Variants in TNIP3 observed in about 807,000 individuals in gnomAD.
TNIP3 encodes TNFAIP3 interacting protein 3, also known as TNFAIP3-interacting protein 3.
Under a neutral mutation model 54.1 loss-of-function variants are expected in TNIP3, and 34 were observed. The ratio of observed to expected loss-of-function variants is 0.63; its 90% CI spans 0.48 to 0.84. The LOEUF (loss-of-function observed/expected upper bound fraction) is 0.84. Among genes scored for constraint, TNIP3 ranks in the 40% least tolerant of loss-of-function variants. TNIP3 has a pLI of 0.00. For synonymous variants in TNIP3, 134 were observed against 136.8 expected (o/e 0.98, Z 0.14); for missense variants, 366 against 387.6 (o/e 0.94, Z 0.47).
chr4:121,158,780 A>G, intron 2 of TNIP3, 28 bp from the exon 3 acceptor site: 1 of 1,584,240 alleles, frequency 6.3e-7, no homozygotes, highest in African/African-American at 1.4e-5. Flanking sequence ...TGGTGAATCA[A>G]CAAAGAATTT....
chr4:121,170,015 T>C (rs954079411), intron 3 of TNIP3, among the ~76,000 whole-genome samples: 1 of 152,184 alleles, frequency 6.6e-6, no homozygotes, highest in Non-Finnish European at 1.5e-5. Context: ...GTTTAAAGAT[T>C]TCTGAGTGCC....
rs140261199 is a variant in TNIP3 at position 121,186,753 on chromosome 4, G to A, written c.69-3957C>T. ...TTCTAACAAACAAGTTTGGAAAGTA[G>A]GAGCCATAAATTTAGTATACCACCA... is the stretch of plus-strand genomic sequence containing the variant. On this transcript the variant is annotated intron_variant, in intron 2 of 12. Coordinates refer to the TNIP3 transcript ENST00000507879. Among the ~76,000 whole-genome samples, 6 of 152,244 alleles carry A rather than the reference G, an allele frequency of 3.9e-5. No homozygotes were observed. In the East Asian group the frequency reaches 1.2e-3, roughly 29 times the overall value.
intron 2 of TNIP3, among the ~76,000 whole-genome samples, chr4:121,192,184 G>A (rs1725340299): frequency 6.6e-6 from 1 of 152,096 alleles, no homozygotes; most frequent in Admixed American, 6.6e-5. Context: ...AAGAGATGCC[G>A]AGCCAAGTCT....
rs925028201 is a variant in TNIP3, at chr4:121,157,024, T to C, written c.363+70A>G. 20 of 1,595,698 alleles carry C rather than the reference T, an allele frequency of 1.3e-5. No individual in the cohort carries two copies. In the Admixed American group the frequency reaches 3.2e-4, roughly 25 times the overall value. ...GATTTTAATAAAACGGTAGGTTTTC[T>C]ACAGGAAATCCCCCCGCCCCTTTGC... On this transcript the variant is annotated intron_variant, in intron 4 of 10. Coordinates refer to ENST00000057513, the MANE Select transcript of TNIP3 (RefSeq NM_024873.6).
chr4:121,132,769 AGTT>A, intron 10 of TNIP3, 107 bp from the exon 11 acceptor site: 2 of 885,466 alleles, frequency 2.3e-6, no homozygotes, highest in Non-Finnish European at 3.5e-6. Flanking sequence ...AAAAAAAAAA[AGTT>A]ATGTTATATT....
intron 3 of TNIP3, among the ~76,000 whole-genome samples, chr4:121,180,781 G>A (rs765565778): frequency 1.4e-4 from 21 of 152,076 alleles, no homozygotes; most frequent in Non-Finnish European, 2.4e-4. Context: ...AACTCAACTC[G>A]GTCCTCACTA....
At chr4:121,156,762 G>GA (rs202024938) in intron 4 of TNIP3, among the ~76,000 whole-genome samples, 7 of 151,224 alleles carry the variant, frequency 4.6e-5, no homozygotes, top group South Asian at 4.2e-4. Context: ...AAAAGCAAAA[G>GA]AAAAAAAAAT....
chr4:121,141,897 A>G lies in TNIP3; in HGVS notation c.804T>C (p.Cys268=). 3 of 1,599,224 alleles carry G rather than the reference A, an allele frequency of 1.9e-6. No individual in the cohort carries two copies. Among genetic ancestry groups the G allele is most frequent in the Non-Finnish European group, 2.6e-6 (3 of 1,173,084 alleles). The part of the protein sequence containing the change: ...KQLKQMYCPP[C]NCGLVFHLQD... ...GCAGGTGGAAAACCAAGCCGCAGTT[A>G]CAGGGTGGGCAATACATCTGAGGAG... The change falls in exon 9 of 11, where the codon TGT becomes TGC. Residue 268 remains cysteine, a synonymous_variant. Transcript: ENST00000057513.
intron 2 of TNIP3, among the ~76,000 whole-genome samples, chr4:121,185,521 C>G (rs765752281): frequency 1.3e-5 from 2 of 152,146 alleles, no homozygotes; most frequent in Non-Finnish European, 2.9e-5. Flanking sequence ...AGAGGAAAGG[C>G]CTTTGTCTGT....
At chr4:121,196,379 G>T (rs544759393) in intron 2 of TNIP3, among the ~76,000 whole-genome samples, 2 of 152,216 alleles carry the variant, frequency 1.3e-5, no homozygotes, top group East Asian at 3.9e-4. Flanking sequence ...GTTTTTTCCT[G>T]TAACAAGTAT....
At chr4:121,207,596 T>G (rs983541232) in intron 2 of TNIP3, among the ~76,000 whole-genome samples, 1 of 152,174 alleles carries the variant, frequency 6.6e-6, no homozygotes, top group African/African-American at 2.4e-5. Flanking sequence ...GCCTGCAGAT[T>G]TGGGGCATGG....
At chr4:121,188,911 T>C (rs1429867426) in intron 2 of TNIP3, among the ~76,000 whole-genome samples, 1 of 152,204 alleles carries the variant, frequency 6.6e-6, no homozygotes, top group Non-Finnish European at 1.5e-5. Context: ...TTTAAGACCA[T>C]TGAATTTCAA....
At chr4:121,134,591 C>G (rs1433605814) in intron 10 of TNIP3, among the ~76,000 whole-genome samples, 2 of 152,186 alleles carry the variant, frequency 1.3e-5, no homozygotes, top group Non-Finnish European at 2.9e-5. Context: ...ATTCGAAACC[C>G]TTCATTTAAA....
At chr4:121,190,436 G>A (rs1003125608) in intron 2 of TNIP3, among the ~76,000 whole-genome samples, 1 of 152,140 alleles carries the variant, frequency 6.6e-6, no homozygotes, top group African/African-American at 2.4e-5. Flanking sequence ...AATTGGAAGA[G>A]GAGAAGCTCC....
At chr4:121,216,477 G>C (rs1284782991) in exon 2 of TNIP3, 2 of 1,534,092 alleles carry the variant, frequency 1.3e-6, no homozygotes, top group African/African-American at 1.4e-5. Context: ...TCTCATTTTT[G>C]TTCATGAGCC....
At chr4:121,173,483 C>T (rs1035013186) in intron 3 of TNIP3, among the ~76,000 whole-genome samples, 1 of 152,040 alleles carries the variant, frequency 6.6e-6, no homozygotes, top group Non-Finnish European at 1.5e-5. Flanking sequence ...GAAATTCAGC[C>T]TTTTAAAACT....
chr4:121,182,580 C>T (rs1011784575), intron 3 of TNIP3: 70 of 1,386,396 alleles, frequency 5.0e-5, no homozygotes, highest in African/African-American at 2.9e-4. Context: ...ACATGACTGA[C>T]GGTAAATGAC....
chr4:121,208,355 A>C (rs377437318), intron 2 of TNIP3, among the ~76,000 whole-genome samples: 18 of 152,274 alleles, frequency 1.2e-4, no homozygotes, highest in Admixed American at 3.3e-4. Flanking sequence ...CAGACCCTGA[A>C]CTCAATGTGT....
At chr4:121,145,198 A>G (rs1034175524) in intron 7 of TNIP3, among the ~76,000 whole-genome samples, 4 of 152,246 alleles carry the variant, frequency 2.6e-5, no homozygotes, top group African/African-American at 9.6e-5. Context: ...TTAAAATATC[A>G]TAGCATTTAA....
Sources: gnomAD v4.1 joint callset for allele counts (sites outside exome capture counted in the v4.1 genomes callset) on GRCh38, gnomAD v4.1.1 for gene constraint, MANE v1.5 for transcripts, NCBI Gene and HGNC (gene_info 2026-07-23, HGNC 2026-07-21) for gene names.